KCNH5: variants seen among roughly 807,000 people sequenced by gnomAD.
KCNH5 encodes the protein potassium voltage-gated channel subfamily H member 5, also known as voltage-gated delayed rectifier potassium channel KCNH5.
In KCNH5, 46 loss-of-function variants were observed where a neutral mutation model predicts 96.1. The observed-to-expected ratio is 0.48, with a 90% CI of 0.38 to 0.61. The LOEUF is 0.61. Among genes scored for constraint, KCNH5 ranks in the 20% least tolerant of loss-of-function variants. KCNH5 has a pLI of 0.00. For missense variants in KCNH5, 907 were observed against 1,225.8 expected (o/e 0.74, Z 3.88); for synonymous variants, 439 against 449.8 (o/e 0.98, Z 0.30).
intron 6 of KCNH5, among the ~76,000 whole-genome samples, chr14:62,968,510 T>C (rs559139750): frequency 2.5e-4 from 38 of 152,304 alleles, no homozygotes; most frequent in African/African-American, 9.1e-4. Flanking sequence ...ATTATTTACA[T>C]GACAGCAAAA....
rs148657731 is a variant in KCNH5 at position 62,833,819 on chromosome 14, T to C, written c.1569+15834A>G. Among the ~76,000 whole-genome samples the C allele has an allele frequency of 3.7e-4, 57 of 152,160 alleles. 1 individual carries two copies. In the East Asian group the frequency reaches 0.01, roughly 27 times the overall value. On this transcript the variant is annotated intron_variant, in intron 8 of 10. Transcript: ENST00000322893. ...GATCTAAATTTGCCTGTCTTTATCA[T>C]ATATAAAATCTCCACGTATGTATGA...
At chr14:62,815,766 G>C (rs1255021689) in intron 8 of KCNH5, among the ~76,000 whole-genome samples, 2 of 151,950 alleles carry the variant, frequency 1.3e-5, no homozygotes, top group Non-Finnish European at 2.9e-5. Context: ...TTCTTGGAAT[G>C]ACTGTGATTT....
chr14:62,886,997 A>G (rs1888611339), intron 7 of KCNH5, among the ~76,000 whole-genome samples: 1 of 152,246 alleles, frequency 6.6e-6, no homozygotes. Flanking sequence ...ACAAAATGCC[A>G]TATTTGGTTG....
At chr14:62,913,225 A>G (rs954411107) in intron 7 of KCNH5, among the ~76,000 whole-genome samples, 1 of 152,056 alleles carries the variant, frequency 6.6e-6, no homozygotes, top group Non-Finnish European at 1.5e-5. Context: ...CATGTGTTAA[A>G]TGTGAAACTT....
At chr14:62,972,090 T>C (rs2139558316) in intron 6 of KCNH5, among the ~76,000 whole-genome samples, 1 of 152,178 alleles carries the variant, frequency 6.6e-6, no homozygotes, top group African/African-American at 2.4e-5. Context: ...AGAGAAAATA[T>C]TTGCAAAAGA....
intron 7 of KCNH5, among the ~76,000 whole-genome samples, chr14:62,857,404 T>C (rs1887950600): frequency 6.6e-6 from 1 of 152,186 alleles, no homozygotes; most frequent in Non-Finnish European, 1.5e-5. Flanking sequence ...TTAAGCTAAG[T>C]GTATTAGTCA....
At chr14:62,898,417 T>G (rs1888857948) in intron 7 of KCNH5, among the ~76,000 whole-genome samples, 1 of 152,044 alleles carries the variant, frequency 6.6e-6, no homozygotes, top group South Asian at 2.1e-4. Flanking sequence ...AATAATAGAC[T>G]TGGAGATTTT....
At chr14:63,040,816 C>G (rs1891809508) in intron 1 of KCNH5, among the ~76,000 whole-genome samples, 1 of 151,880 alleles carries the variant, frequency 6.6e-6, no homozygotes, top group African/African-American at 2.4e-5. Flanking sequence ...TAAGAGATAG[C>G]TGAGTAAAAA....
chr14:62,982,570 T>C (rs1278942295), intron 5 of KCNH5, among the ~76,000 whole-genome samples: 1 of 152,170 alleles, frequency 6.6e-6, no homozygotes, highest in Middle Eastern at 3.2e-3. Context: ...GATGTAAGAA[T>C]GGATAAAAAT....
intron 7 of KCNH5, among the ~76,000 whole-genome samples, chr14:62,918,963 T>C (rs1271108799): frequency 1.3e-5 from 2 of 152,128 alleles, no homozygotes; most frequent in Non-Finnish European, 2.9e-5. Flanking sequence ...TGTTCTTCAA[T>C]ATAGAATTGC....
intron 10 of KCNH5, among the ~76,000 whole-genome samples, chr14:62,712,880 C>G (rs1338333731): frequency 4.6e-5 from 7 of 152,154 alleles, no homozygotes; most frequent in African/African-American, 1.7e-4. Context: ...GCTTCTGGTC[C>G]CCTTCAAGGA....
chr14:62,789,611 T>C (rs1595623205), intron 9 of KCNH5, among the ~76,000 whole-genome samples: 3 of 152,124 alleles, frequency 2.0e-5, no homozygotes, highest in Admixed American at 1.3e-4. Flanking sequence ...GTCTTTTTGA[T>C]AATAGTCTTC....
At chr14:63,003,010 A>G (rs1891039412) in intron 3 of KCNH5, among the ~76,000 whole-genome samples, 1 of 152,164 alleles carries the variant, frequency 6.6e-6, no homozygotes, top group Admixed American at 6.5e-5. Flanking sequence ...ATTCCAACAC[A>G]GTAAGCTTGA....
chr14:62,757,561 A>C (rs1371446746), intron 10 of KCNH5, among the ~76,000 whole-genome samples: 1 of 152,052 alleles, frequency 6.6e-6, no homozygotes, highest in Non-Finnish European at 1.5e-5. Context: ...CAACAGCTGA[A>C]TATAGATAAA....
At chr14:62,974,335 C>T (rs920834456) in intron 6 of KCNH5, among the ~76,000 whole-genome samples, 4 of 152,130 alleles carry the variant, frequency 2.6e-5, no homozygotes, top group African/African-American at 9.7e-5. Context: ...TGATGATGTT[C>T]TATGGCTCAA....
At chr14:62,791,338 TACAG>T (rs1886429622) in intron 9 of KCNH5, among the ~76,000 whole-genome samples, 1 of 151,438 alleles carries the variant, frequency 6.6e-6, no homozygotes, top group Non-Finnish European at 1.5e-5. Context: ...GTAAGTAACT[TACAG>T]TAAGTAAGTC....
At chr14:62,960,204 C>T (rs1187613281) in intron 6 of KCNH5, among the ~76,000 whole-genome samples, 5 of 152,264 alleles carry the variant, frequency 3.3e-5, no homozygotes, top group Middle Eastern at 3.4e-3. Flanking sequence ...TCTATCCATA[C>T]TTTAAATTAT....
chr14:62,991,218 T>C (rs926445436), intron 4 of KCNH5, among the ~76,000 whole-genome samples: 5 of 152,086 alleles, frequency 3.3e-5, no homozygotes, highest in Admixed American at 6.6e-5. Context: ...ATCTGCATTA[T>C]ATGTAAATAT....
chr14:62,970,433 C>T (rs932655063), intron 6 of KCNH5, among the ~76,000 whole-genome samples: 3 of 152,048 alleles, frequency 2.0e-5, no homozygotes, highest in South Asian at 4.2e-4. Flanking sequence ...TACCAATTTC[C>T]TCCAATGTTT....
Sources: allele counts gnomAD v4.1 joint callset (sites outside exome capture counted in the v4.1 genomes callset), GRCh38; gene constraint gnomAD v4.1.1; transcripts MANE v1.5; gene names NCBI Gene and HGNC (gene_info 2026-07-23, HGNC 2026-07-21).